Variants in KLHL25 observed in about 807,000 individuals in gnomAD.
The protein encoded by KLHL25 is kelch-like protein 25.
In KLHL25, 41 loss-of-function variants were observed where a neutral mutation model predicts 30.0. The ratio of observed to expected loss-of-function variants is 1.37; its 90% confidence interval spans 1.07 to 1.78. KLHL25 has a LOEUF of 1.78. Ranked by LOEUF, KLHL25 falls within the 40% of genes most tolerant of loss-of-function variation. The probability of loss-of-function intolerance (pLI) is 0.00; values close to 1 mark genes in which losing one functional copy is unlikely to be tolerated. For synonymous variants in KLHL25, 399 were observed against 355.3 expected (o/e 1.12, Z -1.38); for missense variants, 971 against 824.5 (o/e 1.18, Z -2.18).
intron 1 of KLHL25, among the ~76,000 whole-genome samples, chr15:85,790,313 C>G (rs188436475): frequency 1.3e-5 from 2 of 152,154 alleles, no homozygotes; most frequent in African/African-American, 4.8e-5. Context: ...GTCTCAAACT[C>G]CCGACCTCAG....
rs764423209 is a variant in KLHL25, at chr15:85,769,167, A to T, written c.644T>A (p.Leu215His). Residue 215 changes from leucine to histidine, a missense_variant, in exon 2 of 3, where the codon CTC becomes CAC. By Grantham distance (99) the Leu-to-His change is moderately conservative (BLOSUM62 -3). Coordinates refer to ENST00000337975, the MANE Select transcript of KLHL25 (RefSeq NM_022480.4). ...EDERVVFEAI[L>H]QWVKHDLEPR... The stretch of plus-strand genomic sequence containing the variant: ...CTCCAGGTCGTGCTTCACCCACTGG[A>T]GGATGGCCTCGAAGACCACCCGCTC... 6.2e-7 allele frequency: 1 copy of T among 1,613,234 alleles called. No homozygotes were observed. The highest frequency in any genetic ancestry group is 1.1e-5 in the South Asian group (1 of 91,080).
At chr15:85,794,553 C>T (rs1020739299) in intron 1 of KLHL25, among the ~76,000 whole-genome samples, 1 of 152,198 alleles carries the variant, frequency 6.6e-6, no homozygotes, top group Admixed American at 6.5e-5. Flanking sequence ...AATTCCCTCG[C>T]GGAGCCGCGG....
chr15:85,780,696 A>C (rs950879450), intron 1 of KLHL25, among the ~76,000 whole-genome samples: 2 of 152,230 alleles, frequency 1.3e-5, no homozygotes, highest in African/African-American at 4.8e-5. Flanking sequence ...GCTGATGCTG[A>C]ATCAGAATGA....
chr15:85,768,372 T>C lies in KLHL25; in HGVS notation c.1439A>G (p.Gln480Arg), dbSNP rs1226912960. 6.2e-7 allele frequency: 1 copy of C among 1,613,694 alleles called. No homozygotes were observed. Among genetic ancestry groups the C allele is most frequent in the Admixed American group, 1.7e-5 (1 of 60,020 alleles). Residue 480 changes from glutamine (Q) to arginine (R), a missense_variant, in exon 2 of 3, where the codon CAG becomes CGG. Gln to Arg is a conservative substitution (Grantham distance 43). Transcript: ENST00000337975. ...GGCAGCGGCTGTGTACCGCCAAGGC[T>C]GGGGGCACTCGGCCTTGATCGTCCA... ...NRWTIKAECP[Q>R]PWRYTAAAVL...
chr15:85,778,315 A>G (rs920172918), intron 1 of KLHL25, among the ~76,000 whole-genome samples: 4 of 152,248 alleles, frequency 2.6e-5, no homozygotes, highest in Non-Finnish European at 5.9e-5. Flanking sequence ...CTCACCCACC[A>G]GAGAGCCAGA....
At chr15:85,767,533 T>C (rs899566765) in intron 2 of KLHL25, among the ~76,000 whole-genome samples, 1 of 152,212 alleles carries the variant, frequency 6.6e-6, no homozygotes, top group Non-Finnish European at 1.5e-5. Flanking sequence ...TATCTTAATC[T>C]GTATCTTTCC....
chr15:85,787,213 G>A (rs774810112), intron 1 of KLHL25, among the ~76,000 whole-genome samples: 5 of 151,788 alleles, frequency 3.3e-5, no homozygotes, highest in Non-Finnish European at 7.4e-5. Flanking sequence ...TTGGGAGGCC[G>A]AGGCAGGTGG....
chr15:85,767,378 GC>G (rs2089631937), intron 2 of KLHL25, among the ~76,000 whole-genome samples: 1 of 151,882 alleles, frequency 6.6e-6, no homozygotes, highest in African/African-American at 2.4e-5. Flanking sequence ...GGGATTATAG[GC>G]ATGAGCCACC....
At chr15:85,788,531 C>A (rs1193770657) in intron 1 of KLHL25, among the ~76,000 whole-genome samples, 1 of 152,118 alleles carries the variant, frequency 6.6e-6, no homozygotes, top group Non-Finnish European at 1.5e-5. Context: ...GAAAAAAATT[C>A]CCTGGACACA....
rs1230117248 is a variant in KLHL25, at chr15:85,760,571, G to A, written c.*465C>T. The A allele has an allele frequency of 6.6e-6, 1 of 152,226 alleles. No individual in the cohort carries two copies. Among genetic ancestry groups the A allele is most frequent in the Non-Finnish European group, 1.5e-5 (1 of 68,034 alleles). 9.4% of individuals were successfully genotyped at this position (152,226 alleles called of 1,614,324 possible). ...TGGGAACCTAGTTTCCCAGGCCCAG[G>A]ACACCATCTATAGATGGCAGTAGAG... On this transcript the variant is annotated 3_prime_UTR_variant, in exon 3 of 3. Transcript: ENST00000337975.
intron 1 of KLHL25, chr15:85,771,218 G>GAAAGA (rs1164018350): frequency 1.6e-5 from 2 of 128,146 alleles, no homozygotes; most frequent in Non-Finnish European, 3.5e-5. Flanking sequence ...AAAAAAAAAA[G>GAAAGA]AAAGAAAAGA....
rs762890741 is a variant in KLHL25, at chr15:85,769,413, C to T, written c.398G>A (p.Arg133Gln). 1.7e-5 allele frequency: 28 copies of T among 1,614,028 alleles called. No individual in the cohort carries two copies. Among genetic ancestry groups the T allele is most frequent in the South Asian group, 2.2e-5 (2 of 91,084 alleles). Residue 133 changes from arginine to glutamine, a missense_variant, in exon 2 of 3, where the codon CGG (arginine) becomes CAG (glutamine). Transcript: ENST00000337975. The stretch of plus-strand genomic sequence containing the variant: ...CTCCAGGAACTCGGCGGCAGCATCC[C>T]GCACATCGTGGAACTGCAGCATGTC... ...AGDMLQFHDV[R>Q]DAAAEFLEKN...
At chr15:85,765,776 G>T (rs1233004071) in intron 2 of KLHL25, among the ~76,000 whole-genome samples, 1 of 150,450 alleles carries the variant, frequency 6.6e-6, no homozygotes, top group African/African-American at 2.5e-5. Flanking sequence ...AGGTTGCAGT[G>T]AGCAGAGATC....
At chr15:85,770,597 T>C (rs1249182531) in intron 1 of KLHL25, 4 of 528,282 alleles carry the variant, frequency 7.6e-6, no homozygotes, top group African/African-American at 3.8e-5. Flanking sequence ...GGCTTGGAGG[T>C]GGGGCCGCCA....
intron 1 of KLHL25, among the ~76,000 whole-genome samples, chr15:85,783,083 T>C (rs1030834507): frequency 2.6e-5 from 4 of 152,122 alleles, no homozygotes; most frequent in African/African-American, 7.2e-5. Context: ...AATCAACATA[T>C]ACCATATTTA....
Position 85,767,610 on chromosome 15 carries a change from T to C in KLHL25, c.*24+407A>G, listed in dbSNP as rs968052499. Among the ~76,000 whole-genome samples, 6 of 152,202 alleles carry C rather than the reference T, an allele frequency of 3.9e-5. No individual in the cohort carries two copies. In the South Asian group the frequency reaches 6.2e-4, roughly 16 times the overall value. On this transcript the variant is annotated intron_variant, in intron 2 of 2. Transcript: ENST00000337975. The stretch of plus-strand genomic sequence containing the variant: ...ACTTCTATAAGTCTTTCTGGCAAAA[T>C]TGACCGAGGGTGGTTTGGGAGGCCC...
intron 1 of KLHL25, among the ~76,000 whole-genome samples, chr15:85,790,149 G>C (rs534394962): frequency 1.2e-4 from 19 of 152,294 alleles, no homozygotes; most frequent in African/African-American, 4.3e-4. Flanking sequence ...GAGTGCAATG[G>C]TGCAATCTCG....
chr15:85,780,877 T>C (rs1317800836), intron 1 of KLHL25, among the ~76,000 whole-genome samples: 3 of 152,154 alleles, frequency 2.0e-5, no homozygotes, highest in African/African-American at 7.2e-5. Flanking sequence ...CTCCTAAAAA[T>C]TTCCCTTCCA....
chr15:85,792,040 T>C (rs369630769), intron 1 of KLHL25, among the ~76,000 whole-genome samples: 9 of 152,136 alleles, frequency 5.9e-5, no homozygotes, highest in East Asian at 1.9e-4. Flanking sequence ...CTGGAGGCAG[T>C]ATGGGATGAT....
Sources: gnomAD v4.1 joint callset for allele counts (sites outside exome capture counted in the v4.1 genomes callset) on GRCh38, gnomAD v4.1.1 for gene constraint, MANE v1.5 for transcripts, NCBI Gene and HGNC (gene_info 2026-07-23, HGNC 2026-07-21) for gene names.